Variants in NFS1 observed in about 807,000 individuals in gnomAD.
The protein encoded by NFS1 is cysteine desulfurase.
NFS1 carries 26 observed loss-of-function variants against 57.3 expected under a neutral mutation model. The observed-to-expected ratio is 0.45, with a 90% CI of 0.33 to 0.63. The LOEUF is 0.63. NFS1 is among the 20% of genes least tolerant of loss of function. The pLI, the probability that NFS1 is intolerant of heterozygous loss-of-function variation, is 0.02. For synonymous variants in NFS1, 209 were observed against 216.3 expected (o/e 0.97, Z 0.30); for missense variants, 505 against 605.8 (o/e 0.83, Z 1.75).
At chr20:35,685,349 CCTCTCTCATTCATAAAT>C (rs1482845389) in intron 5 of NFS1, among the ~76,000 whole-genome samples, 9 of 151,580 alleles carry the variant, frequency 5.9e-5, no homozygotes, top group Non-Finnish European at 1.2e-4. Context: ...AGAGCAAGTT[CCTCTCTCATTCATAAAT>C]AAATATATAG....
intron 11 of NFS1, 113 bp from the exon 12 acceptor site, chr20:35,672,957 A>G (rs1364656330): frequency 1.5e-6 from 1 of 661,802 alleles, no homozygotes; most frequent in African/African-American, 1.8e-5. Context: ...AGAGAAGAAC[A>G]TGGTCCTTCC....
At chr20:35,687,046 G>A (rs1047349929) in intron 5 of NFS1, among the ~76,000 whole-genome samples, 22 of 152,182 alleles carry the variant, frequency 1.4e-4, no homozygotes, top group East Asian at 1.2e-3. Flanking sequence ...TTGGTCTAGC[G>A]GTAACGCCAG....
intron 4 of NFS1, among the ~76,000 whole-genome samples, chr20:35,695,395 G>A (rs1453427785): frequency 2.0e-5 from 3 of 152,190 alleles, no homozygotes; most frequent in Non-Finnish European, 2.9e-5. Flanking sequence ...AGAGTTCAAA[G>A]TACAGCAAGC....
intron 4 of NFS1, among the ~76,000 whole-genome samples, chr20:35,692,819 T>C (rs1643939202): frequency 2.0e-5 from 3 of 152,166 alleles, no homozygotes; most frequent in Non-Finnish European, 4.4e-5. Flanking sequence ...CTAGTCAACA[T>C]GGCGAAACCC....
At chr20:35,686,718 A>T in intron 5 of NFS1, among the ~76,000 whole-genome samples, 1 of 152,162 alleles carries the variant, frequency 6.6e-6, no homozygotes, top group East Asian at 1.9e-4. Context: ...GGTTGTTGCT[A>T]AAGGTGTGGG....
rs1299745012 is a variant in NFS1 at position 35,698,565 on chromosome 20, C to T, written c.123G>A (p.Ala41=). 1 of 1,613,356 alleles carries T rather than the reference C, an allele frequency of 6.2e-7. No homozygotes were observed. The highest frequency in any genetic ancestry group is 1.7e-5 in the Admixed American group (1 of 59,698). Residue 41 remains alanine, a synonymous_variant, in exon 2 of 13, where the codon GCG becomes GCA. Transcript: ENST00000374092. ...LRVGDRAPQS[A]VPADTAAAPE... ...GGGCAGCGGCTGTATCTGCGGGAAC[C>T]GCAGACTGAGGAGCACGGTCTCCAA...
rs568289366 is a variant in NFS1, at chr20:35,697,255, C to T, written c.324+429G>A. Among the ~76,000 whole-genome samples, 13 of 151,282 alleles carry T rather than the reference C, an allele frequency of 8.6e-5. No homozygotes were observed. The South Asian group carries it at 1.5e-3, about 17-fold the overall frequency. ...GAGGTTGCAGTGAGCCAAGATCGTG[C>T]GCCACTGCACTCCAGTCTGGGCAAC... On this transcript the variant is annotated intron_variant, in intron 3 of 12. Transcript: ENST00000374092.
intron 7 of NFS1, among the ~76,000 whole-genome samples, chr20:35,677,360 C>A (rs1292602881): frequency 1.3e-5 from 2 of 151,064 alleles, no homozygotes; most frequent in Non-Finnish European, 2.9e-5. Flanking sequence ...AGTGAGACCC[C>A]GTGTCTACAA....
rs1437927570 is a variant in NFS1, at chr20:35,698,602, T to A, written c.98-12A>T. 1 of 1,589,592 alleles carries A rather than the reference T, an allele frequency of 6.3e-7. No individual in the cohort carries two copies. The highest frequency in any genetic ancestry group is 8.5e-7 in the Non-Finnish European group (1 of 1,171,764). On this transcript the variant is annotated splice_polypyrimidine_tract_variant and intron_variant, in intron 1 of 12. Coordinates refer to ENST00000374092, the MANE Select transcript of NFS1 (RefSeq NM_021100.5). ...AGCACGGTCTCCAACTGATAAAAAA[T>A]GGAACGGAGTAGCCAAGTAAGACCG...
intron 11 of NFS1, among the ~76,000 whole-genome samples, chr20:35,673,130 A>G (rs1396997263): frequency 1.3e-5 from 2 of 152,096 alleles, no homozygotes; most frequent in African/African-American, 4.8e-5. Context: ...TCTACTAAAA[A>G]TATAAAAATT....
intron 10 of NFS1, 119 bp downstream of exon 10, chr20:35,674,231 G>A: frequency 1.2e-6 from 1 of 836,524 alleles, no homozygotes; most frequent in Non-Finnish European, 2.0e-6. Context: ...CTTACAAAAT[G>A]ACCTTTACCC....
intron 11 of NFS1, among the ~76,000 whole-genome samples, chr20:35,673,296 A>G (rs1233002395): frequency 6.6e-6 from 1 of 151,854 alleles, no homozygotes; most frequent in Non-Finnish European, 1.5e-5. Context: ...TCAGAAAAAA[A>G]AAAAAGAACA....
At chr20:35,683,712 G>T (rs1332822365) in intron 5 of NFS1, among the ~76,000 whole-genome samples, 20 of 148,908 alleles carry the variant, frequency 1.3e-4, no homozygotes, top group Non-Finnish European at 2.5e-4. Flanking sequence ...AACCTGGGAG[G>T]CAGAGGTTGC....
At chr20:35,691,603 C>G (rs1307736689) in intron 4 of NFS1, among the ~76,000 whole-genome samples, 1 of 150,428 alleles carries the variant, frequency 6.6e-6, no homozygotes, top group Non-Finnish European at 1.5e-5. Flanking sequence ...AAGCCAGGCC[C>G]GGTGGCACGC....
intron 5 of NFS1, among the ~76,000 whole-genome samples, chr20:35,688,742 A>G (rs2034988785): frequency 7.0e-6 from 1 of 143,606 alleles, no homozygotes; most frequent in African/African-American, 2.6e-5. Flanking sequence ...AGAGAGAGAG[A>G]GGGAGGGAGG....
intron 5 of NFS1, among the ~76,000 whole-genome samples, chr20:35,687,499 T>A (rs2034966270): frequency 6.6e-6 from 1 of 152,018 alleles, no homozygotes; most frequent in Admixed American, 6.6e-5. Flanking sequence ...CCACGTGACC[T>A]TACCTATCAT....
chr20:35,681,293 C>T (rs903692414), intron 6 of NFS1, among the ~76,000 whole-genome samples: 2 of 151,224 alleles, frequency 1.3e-5, no homozygotes, highest in Admixed American at 6.6e-5. Context: ...AATTACAGGG[C>T]GATCTCTATG....
At chr20:35,683,923 G>T (rs1472229252) in intron 5 of NFS1, among the ~76,000 whole-genome samples, 1 of 151,142 alleles carries the variant, frequency 6.6e-6, no homozygotes, top group East Asian at 1.9e-4. Flanking sequence ...AGACCAGCCT[G>T]GCCAACATGG....
At position 35,690,425 on chromosome 20, in the gene NFS1, G is replaced by C. The variant is rs1477523226; in HGVS notation, c.549C>G (p.Ile183Met). The change falls in exon 5 of 13, where the codon ATC becomes ATG. Residue 183 changes from isoleucine (I) to methionine (M), a missense_variant. Coordinates refer to ENST00000374092, the MANE Select transcript of NFS1 (RefSeq NM_021100.5). ...TAGCCACTCCTACCTTTAGGTCAATGATCCCACTCTTCTGCACTGGGAGGT... is the reference window on the plus strand; with the variant it reads ...TAGCCACTCCTACCTTTAGGTCAATCATCCCACTCTTCTGCACTGGGAGGT... ...VTYLPVQKSG[I>M]IDLKELEAAI... 1 of 1,613,226 alleles carries C rather than the reference G, an allele frequency of 6.2e-7. No homozygotes were observed. The highest frequency in any genetic ancestry group is 8.5e-7 in the Non-Finnish European group (1 of 1,179,904).
Sources: gnomAD v4.1 joint callset for allele counts (sites outside exome capture counted in the v4.1 genomes callset) on GRCh38, gnomAD v4.1.1 for gene constraint, MANE v1.5 for transcripts, NCBI Gene and HGNC (gene_info 2026-07-23, HGNC 2026-07-21) for gene names.